GAREM1: variants seen among roughly 807,000 people sequenced by gnomAD.
GAREM1 encodes GRB2-associated and regulator of MAPK protein 1.
GAREM1 carries 26 observed loss-of-function variants against 71.3 expected under a neutral mutation model. The observed-to-expected ratio is 0.36, with a 90% CI of 0.27 to 0.51. The LOEUF is 0.51. GAREM1 is among the 20% of genes least tolerant of loss of function. The pLI is 0.95. For synonymous variants in GAREM1, 440 were observed against 433.2 expected, an observed-to-expected ratio of 1.02 and a Z score of -0.20; for missense variants, 1,026 against 1,103.1, an observed-to-expected ratio of 0.93 and a Z score of 0.99.
intron 1 of GAREM1, among the ~76,000 whole-genome samples, chr18:32,460,852 C>A (rs1316839962): frequency 6.6e-6 from 1 of 151,904 alleles, no homozygotes; most frequent in Non-Finnish European, 1.5e-5. Context: ...ATGATAATAC[C>A]AAAGATTAAA....
At chr18:32,341,624 T>C (rs1253152111) in intron 2 of GAREM1, among the ~76,000 whole-genome samples, 1 of 152,210 alleles carries the variant, frequency 6.6e-6, no homozygotes, top group East Asian at 1.9e-4. Flanking sequence ...GATATTTTTC[T>C]TTAAAGCAAT....
chr18:32,460,317 G>A (rs1176040809), intron 1 of GAREM1, among the ~76,000 whole-genome samples: 1 of 152,064 alleles, frequency 6.6e-6, no homozygotes, highest in East Asian at 1.9e-4. Context: ...ATTAACTAAA[G>A]TGTCTTCATA....
At chr18:32,299,984 C>T (rs2047183806) in intron 3 of GAREM1, among the ~76,000 whole-genome samples, 1 of 152,200 alleles carries the variant, frequency 6.6e-6, no homozygotes, top group South Asian at 2.1e-4. Flanking sequence ...AAGTCATACT[C>T]ATCTCAAGTG....
At chr18:32,364,017 T>TATATATAC (rs1555638745) in intron 2 of GAREM1, among the ~76,000 whole-genome samples, 2 of 64,636 alleles carry the variant, frequency 3.1e-5, no homozygotes, top group African/African-American at 2.0e-4. Context: ...TATATATATA[T>TATATATAC]ATATATATAT....
At chr18:32,327,015 A>G (rs895100566) in intron 2 of GAREM1, among the ~76,000 whole-genome samples, 1 of 152,214 alleles carries the variant, frequency 6.6e-6, no homozygotes, top group Non-Finnish European at 1.5e-5. Context: ...ATACATTCCA[A>G]ATTAAAAAAC....
chr18:32,349,977 G>A (rs2047731525), intron 2 of GAREM1, among the ~76,000 whole-genome samples: 1 of 152,146 alleles, frequency 6.6e-6, no homozygotes, highest in South Asian at 2.1e-4. Flanking sequence ...ACTCTGGCAG[G>A]GCTCCAAGTG....
intron 2 of GAREM1, among the ~76,000 whole-genome samples, chr18:32,364,007 T>TATATATATATATATATATAC (rs2047895735): frequency 2.1e-5 from 1 of 48,048 alleles, no homozygotes; most frequent in Non-Finnish European, 3.9e-5. Flanking sequence ...TATATATATA[T>TATATATATATATATATATAC]ATATATATAT....
chr18:32,354,314 C>G (rs1341568479), intron 2 of GAREM1, among the ~76,000 whole-genome samples: 3 of 152,112 alleles, frequency 2.0e-5, no homozygotes, highest in Non-Finnish European at 4.4e-5. Context: ...TTTAAGACAA[C>G]TGTATTATAT....
intron 1 of GAREM1, among the ~76,000 whole-genome samples, chr18:32,467,980 C>T (rs2049014237): frequency 6.6e-6 from 1 of 151,890 alleles, no homozygotes; most frequent in African/African-American, 2.4e-5. Context: ...AATTAAACTG[C>T]TATAACAACA....
At chr18:32,325,396 A>G (rs1447465536) in intron 2 of GAREM1, among the ~76,000 whole-genome samples, 2 of 152,204 alleles carry the variant, frequency 1.3e-5, no homozygotes, top group Non-Finnish European at 2.9e-5. Flanking sequence ...ATGTCAGTGC[A>G]GGTTCATCGA....
chr18:32,434,893 CT>C (rs2048659670), intron 1 of GAREM1, among the ~76,000 whole-genome samples: 1 of 152,038 alleles, frequency 6.6e-6, no homozygotes, highest in Non-Finnish European at 1.5e-5. Context: ...GCAGTAGTAA[CT>C]TCATAATAGA....
At chr18:32,309,452 A>G (rs1453926350) in intron 3 of GAREM1, among the ~76,000 whole-genome samples, 2 of 135,814 alleles carry the variant, frequency 1.5e-5, no homozygotes, top group African/African-American at 5.6e-5. Context: ...CATCTCTACT[A>G]AAAATACAAA....
intron 4 of GAREM1, among the ~76,000 whole-genome samples, chr18:32,283,205 G>C (rs920613721): frequency 3.3e-5 from 5 of 152,188 alleles, no homozygotes; most frequent in African/African-American, 1.2e-4. Context: ...GAAGAGAACG[G>C]CCTCTCATAT....
At chr18:32,412,306 C>T (rs535019917) in intron 1 of GAREM1, 24 of 1,591,934 alleles carry the variant, frequency 1.5e-5, no homozygotes, top group East Asian at 1.3e-4. Flanking sequence ...TGGCCTCCAC[C>T]GCCATAGGGG....
At chr18:32,433,493 A>C (rs1449104067) in intron 1 of GAREM1, among the ~76,000 whole-genome samples, 2 of 151,916 alleles carry the variant, frequency 1.3e-5, no homozygotes, top group African/African-American at 4.8e-5. Flanking sequence ...ACATATAGAA[A>C]GGAAATCTAT....
chr18:32,290,860 A>C (rs1224387123), intron 3 of GAREM1, among the ~76,000 whole-genome samples: 3 of 152,172 alleles, frequency 2.0e-5, no homozygotes, highest in African/African-American at 7.2e-5. Flanking sequence ...CTATGGGGTA[A>C]AAAGCATCCT....
chr18:32,337,882 GCT>G (rs1433065914), intron 2 of GAREM1, among the ~76,000 whole-genome samples: 2 of 152,066 alleles, frequency 1.3e-5, no homozygotes, highest in African/African-American at 4.8e-5. Context: ...ACCTTAACCG[GCT>G]CTCTCAGAGA....
At chr18:32,292,661 C>T (rs1378578301) in intron 3 of GAREM1, among the ~76,000 whole-genome samples, 3 of 152,192 alleles carry the variant, frequency 2.0e-5, no homozygotes, top group Non-Finnish European at 4.4e-5. Flanking sequence ...GCTGGGCACT[C>T]ATTCTCTCTC....
At chr18:32,376,564 G>A (rs1449054671) in intron 2 of GAREM1, among the ~76,000 whole-genome samples, 1 of 152,104 alleles carries the variant, frequency 6.6e-6, no homozygotes, top group Non-Finnish European at 1.5e-5. Flanking sequence ...GCAACTGGGC[G>A]TGGTGGCTCA....
Sources: gnomAD v4.1 joint callset for allele counts (sites outside exome capture counted in the v4.1 genomes callset) on GRCh38, gnomAD v4.1.1 for gene constraint, MANE v1.5 for transcripts, NCBI Gene and HGNC (gene_info 2026-07-23, HGNC 2026-07-21) for gene names.